The following LRRC28 variants were observed in gnomAD, a reference collection of about 807,000 sequenced individuals.
The protein encoded by LRRC28 is leucine-rich repeat-containing protein 28.
A neutral mutation model predicts 45.7 loss-of-function variants in LRRC28; 39 were observed. That is an observed-to-expected ratio of 0.85 (90% CI 0.66 to 1.12). The LOEUF (loss-of-function observed/expected upper bound fraction) is 1.12, where lower values mean the gene tolerates loss of function less well. LRRC28 is among the 50% of genes most tolerant of loss of function. The probability of loss-of-function intolerance (pLI) is 0.00; values close to 1 mark genes in which losing one functional copy is unlikely to be tolerated. For missense variants in LRRC28, 435 were observed against 438.5 expected, an observed-to-expected ratio of 0.99 and a Z score of 0.07; for synonymous variants, 206 against 178.8, an observed-to-expected ratio of 1.15 and a Z score of -1.22.
chr15:99,360,358 A>T (rs1444725818), intron 7 of LRRC28, among the ~76,000 whole-genome samples: 3 of 152,146 alleles, frequency 2.0e-5, no homozygotes, highest in Non-Finnish European at 4.4e-5. Context: ...AGAGTCAGTC[A>T]ACCCTTCTTT....
chr15:99,300,032 G>A (rs900427375), intron 5 of LRRC28, among the ~76,000 whole-genome samples: 13 of 152,134 alleles, frequency 8.5e-5, no homozygotes, highest in African/African-American at 3.1e-4. Context: ...GCCCGGCAGA[G>A]CTGTTTGATG....
chr15:99,254,101 C>T (rs1303124317), intron 1 of LRRC28, among the ~76,000 whole-genome samples: 3 of 152,194 alleles, frequency 2.0e-5, no homozygotes, highest in Admixed American at 6.5e-5. Context: ...TGAATAATTA[C>T]CTATGAAGTT....
chr15:99,303,552 G>T (rs1158807679), intron 5 of LRRC28, among the ~76,000 whole-genome samples: 1 of 152,108 alleles, frequency 6.6e-6, no homozygotes, highest in African/African-American at 2.4e-5. Flanking sequence ...TATAAAAACG[G>T]CCTGGGCACG....
At chr15:99,382,394 T>A (rs1957856804) in intron 9 of LRRC28, among the ~76,000 whole-genome samples, 1 of 152,220 alleles carries the variant, frequency 6.6e-6, no homozygotes, top group Non-Finnish European at 1.5e-5. Flanking sequence ...ATCACCCATC[T>A]TCTGCATCTC....
chr15:99,284,299 T>C (rs1252211677), intron 3 of LRRC28, among the ~76,000 whole-genome samples: 2 of 152,182 alleles, frequency 1.3e-5, no homozygotes, highest in Non-Finnish European at 2.9e-5. Context: ...TAAAGATACA[T>C]TTATTCAGCG....
chr15:99,349,059 A>G (rs1417723212), intron 6 of LRRC28, among the ~76,000 whole-genome samples: 2 of 151,558 alleles, frequency 1.3e-5, no homozygotes, highest in Non-Finnish European at 2.9e-5. Context: ...TGTTTTCTTG[A>G]TTTCTTTCTT....
At chr15:99,301,115 C>G (rs1954953693) in intron 5 of LRRC28, among the ~76,000 whole-genome samples, 1 of 152,154 alleles carries the variant, frequency 6.6e-6, no homozygotes. Flanking sequence ...GTAACTCATT[C>G]TCTTTAAGTG....
intron 3 of LRRC28, among the ~76,000 whole-genome samples, chr15:99,282,460 T>C (rs1406811634): frequency 1.3e-5 from 2 of 152,204 alleles, no homozygotes; most frequent in African/African-American, 2.4e-5. Flanking sequence ...AGCATAATTA[T>C]GTCAATGACA....
At chr15:99,345,371 A>C (rs1312742603) in intron 6 of LRRC28, among the ~76,000 whole-genome samples, 1 of 152,208 alleles carries the variant, frequency 6.6e-6, no homozygotes, top group Non-Finnish European at 1.5e-5. Context: ...TTTTGAAAAA[A>C]TATTCCAAAG....
intron 6 of LRRC28, among the ~76,000 whole-genome samples, chr15:99,342,622 A>T (rs896086840): frequency 3.3e-5 from 5 of 152,140 alleles, no homozygotes; most frequent in African/African-American, 1.2e-4. Context: ...GTGTGTCTTC[A>T]TGTTTGGACC....
intron 5 of LRRC28, among the ~76,000 whole-genome samples, chr15:99,292,465 T>C (rs28595393): frequency 0.14 from 21,237 of 147,432 alleles, 2,061 homozygotes; most frequent in African/African-American, 0.28. Context: ...CCCGGGTTCA[T>C]GCCATTCTCC....
chr15:99,265,892 T>G (rs189089975), intron 2 of LRRC28, among the ~76,000 whole-genome samples: 1 of 152,346 alleles, frequency 6.6e-6, no homozygotes, highest in African/African-American at 2.4e-5. Context: ...TCAACTGCTT[T>G]TCTTAATGGT....
At chr15:99,279,181 A>G (rs1365378696) in intron 3 of LRRC28, among the ~76,000 whole-genome samples, 1 of 152,240 alleles carries the variant, frequency 6.6e-6, no homozygotes, top group Non-Finnish European at 1.5e-5. Context: ...GGCTGCATTA[A>G]CATAGCATAA....
At chr15:99,252,967 G>A (rs573989557) in intron 1 of LRRC28, among the ~76,000 whole-genome samples, 7 of 152,166 alleles carry the variant, frequency 4.6e-5, no homozygotes, top group Non-Finnish European at 7.3e-5. Flanking sequence ...AATAAGTTTC[G>A]GAAGGGTTTA....
At chr15:99,372,583 A>C (rs1957513962) in intron 9 of LRRC28, among the ~76,000 whole-genome samples, 1 of 152,208 alleles carries the variant, frequency 6.6e-6, no homozygotes, top group Non-Finnish European at 1.5e-5. Context: ...TGAGTCTCCC[A>C]AAAGCAAATA....
chr15:99,327,241 G>A (rs547232702), intron 5 of LRRC28, among the ~76,000 whole-genome samples: 19 of 151,900 alleles, frequency 1.3e-4, no homozygotes, highest in African/African-American at 4.6e-4. Flanking sequence ...CACCCAGCTA[G>A]TTTTTGTATT....
chr15:99,376,674 C>A (rs1335124155), intron 9 of LRRC28, among the ~76,000 whole-genome samples: 1 of 152,100 alleles, frequency 6.6e-6, no homozygotes, highest in Non-Finnish European at 1.5e-5. Flanking sequence ...CTAATGTACT[C>A]CTAATGCTAT....
At chr15:99,370,852 AGTCTT>A (rs1957465416) in intron 9 of LRRC28, among the ~76,000 whole-genome samples, 1 of 152,246 alleles carries the variant, frequency 6.6e-6, no homozygotes, top group Admixed American at 6.5e-5. Context: ...ATATAGAAAA[AGTCTT>A]GGGAAGGACT....
At chr15:99,340,898 TAGTC>T (rs925738695) in intron 6 of LRRC28, among the ~76,000 whole-genome samples, 21 of 152,216 alleles carry the variant, frequency 1.4e-4, no homozygotes, top group South Asian at 2.1e-4. Context: ...ATGAGAGAAT[TAGTC>T]AGTTAACAAA....
Sources: gnomAD v4.1 joint callset for allele counts (sites outside exome capture counted in the v4.1 genomes callset) on GRCh38, gnomAD v4.1.1 for gene constraint, MANE v1.5 for transcripts, NCBI Gene and HGNC (gene_info 2026-07-23, HGNC 2026-07-21) for gene names.